SRRM4: variants seen among roughly 807,000 people sequenced by gnomAD.
SRRM4 encodes the protein serine/arginine repetitive matrix 4.
In SRRM4, 33 loss-of-function variants were observed where a neutral mutation model predicts 68.9. The observed-to-expected ratio is 0.48, with a 90% CI of 0.36 to 0.64. SRRM4 has a LOEUF of 0.64. SRRM4 is among the 30% of genes least tolerant of loss of function. SRRM4 has a pLI of 0.00. For missense variants in SRRM4, 817 were observed against 827.1 expected (o/e 0.99, Z 0.15); for synonymous variants, 318 against 318.8 (o/e 1.00, Z 0.03).
chr12:119,104,527 T>C (rs1215473992), intron 2 of SRRM4, among the ~76,000 whole-genome samples: 1 of 151,830 alleles, frequency 6.6e-6, no homozygotes, highest in African/African-American at 2.4e-5. Flanking sequence ...CCCCTTATAC[T>C]GTCCTCTTAC....
In SRRM4 at chr12:119,083,029, G is replaced by C. The variant is rs148143031; in HGVS notation, c.132-19207G>C. On this transcript the variant is annotated intron_variant, in intron 1 of 12. Transcript: ENST00000267260. ...GGATTTGATAAGGGGAGTGAAGTCTGGTGTTTCCTTCAATTCAGGACCCCC... is the reference window on the plus strand; with the variant it reads ...GGATTTGATAAGGGGAGTGAAGTCTCGTGTTTCCTTCAATTCAGGACCCCC... Among the ~76,000 whole-genome samples the C allele has an allele frequency of 3.1e-3, 478 of 152,290 alleles. 3 individuals carry two copies. Among genetic ancestry groups the C allele is most frequent in the African/African-American group, 0.011 (446 of 41,552 alleles).
intron 1 of SRRM4, among the ~76,000 whole-genome samples, chr12:119,020,769 T>C (rs1044131369): frequency 6.6e-6 from 1 of 152,188 alleles, no homozygotes; most frequent in Admixed American, 6.5e-5. Flanking sequence ...CGAGAGGTTT[T>C]ATATCAAAAT....
intron 1 of SRRM4, among the ~76,000 whole-genome samples, chr12:119,060,337 T>C (rs1209382770): frequency 4.7e-5 from 7 of 149,996 alleles, no homozygotes; most frequent in Admixed American, 2.0e-4. Context: ...AAAGTGGAAA[T>C]GTCTATTGAT....
chr12:119,114,371 G>A lies in SRRM4; in HGVS notation c.365+7G>A. On this transcript the variant is annotated splice_region_variant and intron_variant, in intron 3 of 12. Coordinates refer to ENST00000267260, the MANE Select transcript of SRRM4 (RefSeq NM_194286.4). ...CTCGGAAGAAGAGAAGGAGGTAAGAGCACCAAGAGGGAGATAAAACCTGTA... is the reference window on the plus strand; with the variant it reads ...CTCGGAAGAAGAGAAGGAGGTAAGAACACCAAGAGGGAGATAAAACCTGTA... 1 of 1,599,392 alleles carries A rather than the reference G, an allele frequency of 6.3e-7. No individual in the cohort carries two copies. The highest frequency in any genetic ancestry group is 8.5e-7 in the Non-Finnish European group (1 of 1,172,040).
chr12:119,025,137 T>C (rs1345104090), intron 1 of SRRM4, among the ~76,000 whole-genome samples: 1 of 151,782 alleles, frequency 6.6e-6, no homozygotes, highest in Admixed American at 6.6e-5. Context: ...GTGTGTGTAT[T>C]TGTGTGTAGG....
chr12:119,024,347 G>A (rs1389332424), intron 1 of SRRM4, among the ~76,000 whole-genome samples: 1 of 152,182 alleles, frequency 6.6e-6, no homozygotes, highest in Non-Finnish European at 1.5e-5. Flanking sequence ...GCGTATCTCT[G>A]TGTAGTTACC....
At chr12:119,080,737 T>C (rs1565904054) in intron 1 of SRRM4, among the ~76,000 whole-genome samples, 2 of 152,220 alleles carry the variant, frequency 1.3e-5, no homozygotes, top group Non-Finnish European at 2.9e-5. Flanking sequence ...TTCTCAGCTA[T>C]CTCTCAGAGC....
rs2136065761 is a variant in SRRM4 at position 119,145,604 on chromosome 12, A to C, written c.995A>C (p.Asn332Thr). 6.4e-7 allele frequency: 1 copy of C among 1,571,938 alleles called. No individual in the cohort carries two copies. Among genetic ancestry groups the C allele is most frequent in the East Asian group, 2.3e-5 (1 of 44,110 alleles). The stretch of plus-strand genomic sequence containing the variant: ...AGTGGCAACACCTCTGATTCAGGGA[A>C]CTCCTTCACCACCTCCTCACCCCAG... ...LNSGNTSDSG[N>T]SFTTSSPQNK... Residue 332 changes from asparagine (N) to threonine (T), a missense_variant, in exon 9 of 13, where the codon AAC becomes ACC. Physicochemically the swap from Asn to Thr is moderately conservative, Grantham distance 65. Coordinates refer to ENST00000267260, the MANE Select transcript of SRRM4 (RefSeq NM_194286.4).
At chr12:119,000,971 C>A (rs1288246341) in intron 1 of SRRM4, 1 of 151,982 alleles carries the variant, frequency 6.6e-6, no homozygotes, top group Non-Finnish European at 1.5e-5. Flanking sequence ...CATTTGGGCT[C>A]AAAGAAAAAG....
intron 8 of SRRM4, among the ~76,000 whole-genome samples, chr12:119,139,725 G>T (rs1592914039): frequency 6.6e-6 from 1 of 152,162 alleles, no homozygotes; most frequent in South Asian, 2.1e-4. Context: ...GCAACTGGCA[G>T]ATCAAAACCC....
At chr12:119,032,292 T>C (rs1953596951) in intron 1 of SRRM4, among the ~76,000 whole-genome samples, 1 of 152,170 alleles carries the variant, frequency 6.6e-6, no homozygotes. Flanking sequence ...TAATTAGAAA[T>C]TCCGAGAGAA....
intron 4 of SRRM4, among the ~76,000 whole-genome samples, chr12:119,118,399 A>G (rs1954194946): frequency 6.6e-6 from 1 of 152,274 alleles, no homozygotes; most frequent in Admixed American, 6.5e-5. Context: ...TCTCAAGTCC[A>G]GTTCAAAGTT....
intron 1 of SRRM4, among the ~76,000 whole-genome samples, chr12:119,058,399 A>G (rs1953790229): frequency 1.3e-5 from 2 of 152,212 alleles, no homozygotes; most frequent in Non-Finnish European, 2.9e-5. Context: ...AATGAGATAG[A>G]TATTCCCTGA....
At chr12:119,018,373 C>T (rs549295659) in intron 1 of SRRM4, among the ~76,000 whole-genome samples, 1 of 152,286 alleles carries the variant, frequency 6.6e-6, no homozygotes, top group South Asian at 2.1e-4. Flanking sequence ...ATGAAACATG[C>T]TGAGGAAATT....
intron 1 of SRRM4, among the ~76,000 whole-genome samples, chr12:119,024,924 C>A (rs567535702): frequency 6.6e-6 from 1 of 152,256 alleles, no homozygotes; most frequent in East Asian, 1.9e-4. Flanking sequence ...TCACTGTGTG[C>A]CAGGGCCTGT....
At chr12:119,025,567 C>T (rs1953543077) in intron 1 of SRRM4, among the ~76,000 whole-genome samples, 1 of 152,168 alleles carries the variant, frequency 6.6e-6, no homozygotes, top group African/African-American at 2.4e-5. Flanking sequence ...GCCTCAGCCT[C>T]CCGAGTAGCT....
At chr12:119,018,388 A>G (rs531803885) in intron 1 of SRRM4, among the ~76,000 whole-genome samples, 1 of 152,328 alleles carries the variant, frequency 6.6e-6, no homozygotes, top group South Asian at 2.1e-4. Flanking sequence ...GAAATTCAGC[A>G]TCGACTTCAG....
In SRRM4 at chr12:119,004,311, G is replaced by A. The variant is rs372957972; in HGVS notation, c.131+22298G>A. Among the ~76,000 whole-genome samples the A allele has an allele frequency of 3.2e-4, 48 of 152,022 alleles. 2 individuals carry two copies. Among genetic ancestry groups the A allele is most frequent in the East Asian group, 2.4e-3 (12 of 5,036 alleles). On this transcript the variant is annotated intron_variant, in intron 1 of 12. Coordinates refer to ENST00000267260, the MANE Select transcript of SRRM4 (RefSeq NM_194286.4). The stretch of plus-strand genomic sequence containing the variant: ...GGGTCACAACCATTCTGCTCCTTGC[G>A]TCCTGTGGGATATTTTTCATAAGAA...
intron 1 of SRRM4, among the ~76,000 whole-genome samples, chr12:119,050,690 A>T (rs1953737011): frequency 6.6e-6 from 1 of 152,170 alleles, no homozygotes; most frequent in East Asian, 1.9e-4. Context: ...CTATATATCC[A>T]GTGTGTGACA....
Sources: allele counts gnomAD v4.1 joint callset (sites outside exome capture counted in the v4.1 genomes callset), GRCh38; gene constraint gnomAD v4.1.1; transcripts MANE v1.5; gene names NCBI Gene and HGNC (gene_info 2026-07-23, HGNC 2026-07-21).